Variants in OXSR1 observed in about 807,000 individuals in gnomAD.
OXSR1 encodes serine/threonine-protein kinase OSR1.
In OXSR1, 24 loss-of-function variants were observed where a neutral mutation model predicts 79.8. That is an observed-to-expected ratio of 0.30 (90% CI 0.22 to 0.42). The LOEUF (loss-of-function observed/expected upper bound fraction) is 0.42, where lower values mean the gene tolerates loss of function less well. Among genes scored for constraint, OXSR1 ranks in the 10% least tolerant of loss-of-function variants. The pLI, the probability that OXSR1 is intolerant of heterozygous loss-of-function variation, is 1.00. For missense variants in OXSR1, 430 were observed against 618.4 expected (o/e 0.70, Z 3.23); for synonymous variants, 226 against 209.2 (o/e 1.08, Z -0.69).
At chr3:38,231,731 G>T (rs1427519350) in intron 10 of OXSR1, among the ~76,000 whole-genome samples, 1 of 152,020 alleles carries the variant, frequency 6.6e-6, no homozygotes, top group East Asian at 1.9e-4. Context: ...TTAATAATAT[G>T]TATAAAATTT....
chr3:38,187,759 T>A (rs1403256537), intron 2 of OXSR1, among the ~76,000 whole-genome samples: 1 of 152,122 alleles, frequency 6.6e-6, no homozygotes, highest in African/African-American at 2.4e-5. Flanking sequence ...TATTAATTTA[T>A]TTTTTAAATA....
Position 38,165,876 on chromosome 3 carries a change from C to T in OXSR1, c.-1C>T. The T allele has an allele frequency of 6.2e-7, 1 of 1,610,368 alleles. No individual in the cohort carries two copies. Among genetic ancestry groups the T allele is most frequent in the Non-Finnish European group, 8.5e-7 (1 of 1,179,052 alleles). On this transcript the variant is annotated 5_prime_UTR_variant, in exon 1 of 18. Coordinates refer to ENST00000311806, the MANE Select transcript of OXSR1 (RefSeq NM_005109.3). ...GAGGACCGCGAGCCGCTGCCGCCGT[C>T]ATGTCCGAGGACTCGAGCGCCCTGC...
chr3:38,241,215 A>G (rs1010626978), intron 11 of OXSR1, among the ~76,000 whole-genome samples: 1 of 152,322 alleles, frequency 6.6e-6, no homozygotes, highest in East Asian at 1.9e-4. Context: ...ACACGTCAGT[A>G]TGTAGAATTC....
chr3:38,184,353 A>G (rs931684036), intron 2 of OXSR1, among the ~76,000 whole-genome samples: 1 of 152,202 alleles, frequency 6.6e-6, no homozygotes, highest in Non-Finnish European at 1.5e-5. Flanking sequence ...GAGAGAATGC[A>G]TACTTCGAAG....
chr3:38,228,239 T>G (rs1559521163), intron 8 of OXSR1, among the ~76,000 whole-genome samples: 3 of 152,148 alleles, frequency 2.0e-5, no homozygotes. Flanking sequence ...TTCTGTCACT[T>G]AAAGAACCCA....
At chr3:38,190,138 T>C (rs1701955970) in intron 2 of OXSR1, among the ~76,000 whole-genome samples, 2 of 152,172 alleles carry the variant, frequency 1.3e-5, no homozygotes, top group African/African-American at 4.8e-5. Context: ...AGGGCCCTGA[T>C]CACACATGGC....
chr3:38,254,051 T>C lies in OXSR1; in HGVS notation c.*1160T>C, dbSNP rs1575382271. On this transcript the variant is annotated 3_prime_UTR_variant, in exon 18 of 18. Coordinates refer to ENST00000311806, the MANE Select transcript of OXSR1 (RefSeq NM_005109.3). Reference sequence around the variant, plus strand: ...AAAAAAGAGCACTCATAATGCAATATGTGAATAATCAGTGAGGTTGATTTT... The same window carrying C: ...AAAAAAGAGCACTCATAATGCAATACGTGAATAATCAGTGAGGTTGATTTT... 2.5e-6 allele frequency: 1 copy of C among 397,006 alleles called. No individual in the cohort carries two copies. The highest frequency in any genetic ancestry group is 4.4e-6 in the Non-Finnish European group (1 of 225,198). 24.6% of individuals were successfully genotyped at this position (397,006 alleles called of 1,614,324 possible).
At chr3:38,220,032 C>T (rs1209475458) in intron 5 of OXSR1, among the ~76,000 whole-genome samples, 2 of 152,140 alleles carry the variant, frequency 1.3e-5, no homozygotes, top group Non-Finnish European at 2.9e-5. Flanking sequence ...GTCTTGATCT[C>T]TTGGCCTCAA....
At chr3:38,231,348 A>G (rs1406316371) in intron 10 of OXSR1, among the ~76,000 whole-genome samples, 1 of 152,052 alleles carries the variant, frequency 6.6e-6, no homozygotes, top group Non-Finnish European at 1.5e-5. Context: ...AAAAAAAAAG[A>G]AAGAAACATG....
At position 38,165,885 on chromosome 3, in the gene OXSR1, G is replaced by C. The variant is rs457661; in HGVS notation, c.9G>C (p.Glu3Asp). 19 of 1,611,038 alleles carry C rather than the reference G, an allele frequency of 1.2e-5. No individual in the cohort carries two copies. Among genetic ancestry groups the C allele is most frequent in the Non-Finnish European group, 1.5e-5 (18 of 1,179,380 alleles). The stretch of plus-strand genomic sequence containing the variant: ...GAGCCGCTGCCGCCGTCATGTCCGA[G>C]GACTCGAGCGCCCTGCCCTGGTCCA... MS[E>D]DSSALPWSIN... is the part of the protein sequence containing the mutation. The change falls in exon 1 of 18, where the codon GAG (glutamate) becomes GAC (aspartate). Residue 3 changes from glutamate (E) to aspartate (D), a missense_variant. Around this residue, in one of 3 missense-constraint regions of OXSR1, gnomAD observed 145 missense variants for 228.3 expected, o/e 0.64. Transcript: ENST00000311806.
At chr3:38,202,503 T>C (rs985339640) in intron 4 of OXSR1, among the ~76,000 whole-genome samples, 1 of 152,124 alleles carries the variant, frequency 6.6e-6, no homozygotes, top group Admixed American at 6.5e-5. Flanking sequence ...CCCAAGCCTC[T>C]CTAGTAGCTG....
intron 17 of OXSR1, 113 bp downstream of exon 17, chr3:38,252,505 T>A: frequency 1.2e-6 from 1 of 830,776 alleles, no homozygotes. Context: ...TGGTGGATTG[T>A]GTTCATTTAG....
chr3:38,239,735 T>C (rs1702990562), intron 11 of OXSR1, among the ~76,000 whole-genome samples: 1 of 152,204 alleles, frequency 6.6e-6, no homozygotes, highest in African/African-American at 2.4e-5. Context: ...GTTCACTCTC[T>C]TTGTAGCTTT....
intron 12 of OXSR1, among the ~76,000 whole-genome samples, chr3:38,244,897 A>G (rs1047027820): frequency 4.6e-5 from 7 of 152,100 alleles, no homozygotes; most frequent in African/African-American, 1.7e-4. Flanking sequence ...AGGCTGCACC[A>G]TTTTACGTGC....
intron 1 of OXSR1, among the ~76,000 whole-genome samples, chr3:38,169,936 C>T (rs1575302031): frequency 6.6e-6 from 1 of 151,624 alleles, no homozygotes; most frequent in Admixed American, 6.6e-5. Flanking sequence ...CGCCACATTT[C>T]CCAGGATGGT....
At chr3:38,236,240 A>G (rs1293254123) in intron 10 of OXSR1, among the ~76,000 whole-genome samples, 2 of 112 alleles carry the variant, frequency 0.018, no homozygotes, top group Non-Finnish European at 0.048. Flanking sequence ...TTAAATTTTC[A>G]TCTTCTATGT....
In OXSR1 at chr3:38,198,714, G is replaced by C. The variant is rs1463914049; in HGVS notation, c.293-8G>C. On this transcript the variant is annotated splice_region_variant and splice_polypyrimidine_tract_variant and intron_variant, in intron 3 of 17. Coordinates refer to ENST00000311806, the MANE Select transcript of OXSR1 (RefSeq NM_005109.3). ...AGATTTTTAGAAAATTATGTCTTCT[G>C]TTTTCAGGTTCTGTTCTGGATATTA... The C allele has an allele frequency of 1.2e-5, 20 of 1,603,186 alleles. No homozygotes were observed. Among genetic ancestry groups the C allele is most frequent in the Non-Finnish European group, 1.7e-5 (20 of 1,173,698 alleles).
At chr3:38,217,266 A>G (rs1157910329) in intron 5 of OXSR1, among the ~76,000 whole-genome samples, 1 of 152,210 alleles carries the variant, frequency 6.6e-6, no homozygotes, top group Non-Finnish European at 1.5e-5. Flanking sequence ...TGACAGTACT[A>G]ATTGTTGGTG....
intron 4 of OXSR1, among the ~76,000 whole-genome samples, chr3:38,200,387 T>C (rs1702143410): frequency 6.6e-6 from 1 of 152,192 alleles, no homozygotes; most frequent in African/African-American, 2.4e-5. Context: ...ACCTTTCCTA[T>C]GATGTTGAAA....
Sources: gnomAD v4.1 joint callset for allele counts (sites outside exome capture counted in the v4.1 genomes callset) on GRCh38, gnomAD v4.1.1 for gene constraint, gnomAD v4.1.1 regional missense constraint, MANE v1.5 for transcripts, NCBI Gene and HGNC (gene_info 2026-07-23, HGNC 2026-07-21) for gene names.